LOC122539214: variants seen among roughly 807,000 people sequenced by gnomAD.
the LOC122539214 span, among the ~76,000 whole-genome samples, chr19:52,683,946 G>A: frequency 1.3e-5 from 2 of 152,076 alleles, no homozygotes; most frequent in Admixed American, 6.6e-5. Context: ...GCAGAAGGGT[G>A]TTTCTGGGCG....
At chr19:52,673,990 T>C in the LOC122539214 span, among the ~76,000 whole-genome samples, 1 of 127,166 alleles carries the variant, frequency 7.9e-6, no homozygotes, top group Non-Finnish European at 1.6e-5. Context: ...CCCTGCAGCC[T>C]GGGTAACAGA....
chr19:52,679,992 C>T, the LOC122539214 span, among the ~76,000 whole-genome samples: 1 of 152,044 alleles, frequency 6.6e-6, no homozygotes, highest in Non-Finnish European at 1.5e-5. Context: ...CCAGACTGAC[C>T]AACATGGAGA....
At chr19:52,689,607 C>T in the LOC122539214 span, among the ~76,000 whole-genome samples, 1 of 152,152 alleles carries the variant, frequency 6.6e-6, no homozygotes, top group Non-Finnish European at 1.5e-5. Context: ...TACATTTCTG[C>T]ACTTGCTTTT....
At chr19:52,659,944 C>T in the LOC122539214 span, among the ~76,000 whole-genome samples, 2 of 152,078 alleles carry the variant, frequency 1.3e-5, no homozygotes, top group South Asian at 2.1e-4. Flanking sequence ...TGTAATCCCA[C>T]GACCTTGGGA....
the LOC122539214 span, among the ~76,000 whole-genome samples, chr19:52,671,702 C>A: frequency 1.3e-5 from 2 of 152,182 alleles, no homozygotes. Flanking sequence ...CTTTGCTTCC[C>A]AAAGTGTTGG....
the LOC122539214 span, among the ~76,000 whole-genome samples, chr19:52,664,683 A>G: frequency 7.7e-6 from 1 of 129,162 alleles, no homozygotes; most frequent in Non-Finnish European, 1.6e-5. Context: ...AAGGCCAGGA[A>G]GGGATGCAGA....
At chr19:52,681,980 T>G in the LOC122539214 span, among the ~76,000 whole-genome samples, 2 of 152,142 alleles carry the variant, frequency 1.3e-5, no homozygotes, top group East Asian at 3.9e-4. Flanking sequence ...CCCAAGTAGC[T>G]GGGATTACAG....
chr19:52,674,740 T>C, the LOC122539214 span, among the ~76,000 whole-genome samples: 230 of 152,336 alleles, frequency 1.5e-3, no homozygotes, highest in African/African-American at 5.0e-3. Context: ...TTGAAATCTA[T>C]GAACATTGAT....
chr19:52,686,731 C>G, the LOC122539214 span, among the ~76,000 whole-genome samples: 1 of 152,138 alleles, frequency 6.6e-6, no homozygotes, highest in East Asian at 1.9e-4. Flanking sequence ...CGCCACCATG[C>G]CTGGCTAAGT....
chr19:52,687,816 C>A, the LOC122539214 span, among the ~76,000 whole-genome samples: 1 of 148,872 alleles, frequency 6.7e-6, no homozygotes, highest in East Asian at 2.0e-4. Flanking sequence ...TACAGCCAGA[C>A]CCTGTCTCAA....
chr19:52,687,578 TTATA>T, the LOC122539214 span, among the ~76,000 whole-genome samples: 5,820 of 38,520 alleles, frequency 0.15, 1,802 homozygotes, highest in African/African-American at 0.56. Flanking sequence ...TATATAAATT[TTATA>T]TATATATATA....
chr19:52,675,448 C>T, the LOC122539214 span, among the ~76,000 whole-genome samples: 533 of 152,262 alleles, frequency 3.5e-3, 1 homozygote, highest in Non-Finnish European at 6.0e-3. Flanking sequence ...CGCTGAGCTG[C>T]GCTGCTGACA....
the LOC122539214 span, chr19:52,655,464 CA>C: frequency 8.7e-7 from 1 of 1,143,672 alleles, no homozygotes; most frequent in African/African-American, 1.5e-5. Context: ...ACATCAAAAG[CA>C]TGTATGCGGC....
chr19:52,687,032 T>G, the LOC122539214 span, among the ~76,000 whole-genome samples: 1 of 151,568 alleles, frequency 6.6e-6, no homozygotes, highest in South Asian at 2.1e-4. Context: ...AAATACAAAA[T>G]TGGCCCAGAG....
chr19:52,684,967 A>G, the LOC122539214 span, among the ~76,000 whole-genome samples: 10 of 152,176 alleles, frequency 6.6e-5, no homozygotes, highest in African/African-American at 1.9e-4. Context: ...AGGCACTGAC[A>G]TGACCTGCTT....
the LOC122539214 span, among the ~76,000 whole-genome samples, chr19:52,681,235 A>G: frequency 1.4e-5 from 2 of 141,062 alleles, no homozygotes; most frequent in South Asian, 4.7e-4. Flanking sequence ...GTGAGTTGAG[A>G]TCACACCACT....
chr19:52,677,877 T>C, the LOC122539214 span, among the ~76,000 whole-genome samples: 2 of 151,438 alleles, frequency 1.3e-5, no homozygotes, highest in South Asian at 4.2e-4. Context: ...ACTAAAAAAA[T>C]ACAAAACATT....
At chr19:52,687,387 A>AGC in the LOC122539214 span, among the ~76,000 whole-genome samples, 326 of 61,782 alleles carry the variant, frequency 5.3e-3, 134 homozygotes, top group African/African-American at 0.053. Flanking sequence ...TAATTTATAT[A>AGC]TATATAATTT....
At chr19:52,655,761 A>G in the LOC122539214 span, 2 of 689,958 alleles carry the variant, frequency 2.9e-6, no homozygotes, top group Non-Finnish European at 5.1e-6. Context: ...GAAAAGAGAA[A>G]ATAAGTATTG....
Sources: allele counts gnomAD v4.1 joint callset (sites outside exome capture counted in the v4.1 genomes callset), GRCh38; gene constraint gnomAD v4.1.1; transcripts MANE v1.5.